DOP1B: variants seen among roughly 807,000 people sequenced by gnomAD.
DOP1B encodes the protein protein DOP1B.
DOP1B carries 174 observed loss-of-function variants against 233.5 expected under a neutral mutation model. That is an observed-to-expected ratio of 0.75 (90% confidence interval 0.66 to 0.85). The LOEUF is 0.85. Among genes scored for constraint, DOP1B ranks in the 40% least tolerant of loss-of-function variants. The pLI, the probability that DOP1B is intolerant of heterozygous loss-of-function variation, is 0.00. For synonymous variants in DOP1B, 1,190 were observed against 1,185.6 expected, an observed-to-expected ratio of 1.00 and a Z score of -0.08; for missense variants, 2,652 against 2,846.6, an observed-to-expected ratio of 0.93 and a Z score of 1.56.
intron 5 of DOP1B, among the ~76,000 whole-genome samples, chr21:36,210,431 G>T (rs138301831): frequency 0.027 from 4,057 of 152,198 alleles, 142 homozygotes; most frequent in African/African-American, 0.086. Flanking sequence ...GATTACCTGA[G>T]GCCAGGAGTT....
intron 24 of DOP1B, among the ~76,000 whole-genome samples, chr21:36,263,158 T>C (rs1026840084): frequency 1.5e-5 from 2 of 136,674 alleles, no homozygotes; most frequent in African/African-American, 5.6e-5. Flanking sequence ...CGCTTGAACC[T>C]GGGAGGCGAA....
At position 36,280,293 on chromosome 21, in the gene DOP1B, C is replaced by T. The variant is rs767141074; in HGVS notation, c.5978C>T (p.Ser1993Phe). 6.2e-7 allele frequency: 1 copy of T among 1,605,926 alleles called. No individual in the cohort carries two copies. The highest frequency in any genetic ancestry group is 1.7e-5 in the Admixed American group (1 of 59,076). ...CTTTCTTTAATATCCAGTTGGAAGT[C>T]CATTATTGACCATCTTTTGACTCAT... The part of the protein sequence containing the change: ...QMDTSCVHWK[S>F]IIDHLLTHEK... The change falls in exon 31 of 37, where the codon TCC (serine) becomes TTC (phenylalanine). Residue 1993 changes from serine to phenylalanine, a missense_variant. Ser to Phe is a radical substitution (Grantham distance 155, BLOSUM62 -2). This residue lies in a region of DOP1B where 2,617 missense variants were observed against 2,794.3 expected (regional missense o/e 0.94). Coordinates refer to ENST00000691173, the MANE Select transcript of DOP1B (RefSeq NM_001320714.2).
chr21:36,169,918 CCCA>C, intron 2 of DOP1B: 1 of 772,396 alleles, frequency 1.3e-6, no homozygotes, highest in Non-Finnish European at 2.4e-6. Context: ...GCCCGCAATG[CCCA>C]CAACCACCAT....
intron 4 of DOP1B, among the ~76,000 whole-genome samples, chr21:36,205,838 C>T (rs1181056112): frequency 6.6e-6 from 1 of 151,578 alleles, no homozygotes; most frequent in African/African-American, 2.4e-5. Flanking sequence ...AACCCCGTAT[C>T]TACCAAAAAA....
At chr21:36,208,283 A>G (rs1193932415) in intron 4 of DOP1B, among the ~76,000 whole-genome samples, 2 of 152,176 alleles carry the variant, frequency 1.3e-5, no homozygotes, top group East Asian at 1.9e-4. Context: ...TAAGTCTTTG[A>G]TCAGTCTCCT....
intron 2 of DOP1B, among the ~76,000 whole-genome samples, chr21:36,186,236 C>A (rs1371139129): frequency 6.6e-6 from 1 of 151,922 alleles, no homozygotes; most frequent in African/African-American, 2.4e-5. Context: ...TCTGATCTAG[C>A]ATGTGGATTC....
chr21:36,217,976 G>T (rs981531836), intron 9 of DOP1B, among the ~76,000 whole-genome samples: 1 of 152,192 alleles, frequency 6.6e-6, no homozygotes, highest in African/African-American at 2.4e-5. Flanking sequence ...GGAAGCAAAT[G>T]AATATCACGC....
At chr21:36,213,666 G>A (rs2066525769) in intron 7 of DOP1B, among the ~76,000 whole-genome samples, 1 of 151,616 alleles carries the variant, frequency 6.6e-6, no homozygotes, top group Non-Finnish European at 1.5e-5. Flanking sequence ...AACCTCCCAA[G>A]TAGCTGGGAT....
chr21:36,275,610 A>C (rs62232381), intron 27 of DOP1B, among the ~76,000 whole-genome samples: 61,396 of 148,904 alleles, frequency 0.41, 12,778 homozygotes, highest in Middle Eastern at 0.51. Context: ...CAAAGCGAGA[A>C]CTTGTCTCAA....
chr21:36,230,374 C>A (rs1008902437), intron 13 of DOP1B, 76 bp from the exon 14 acceptor site: 4 of 1,443,638 alleles, frequency 2.8e-6, no homozygotes, highest in Admixed American at 4.3e-5. Flanking sequence ...AATTGAAATA[C>A]ATTCATGATT....
intron 4 of DOP1B, among the ~76,000 whole-genome samples, chr21:36,204,696 C>G (rs2066408391): frequency 6.9e-6 from 1 of 144,650 alleles, no homozygotes; most frequent in Admixed American, 7.1e-5. Flanking sequence ...GCTCTGTCGC[C>G]CAGGCTGGAG....
intron 2 of DOP1B, among the ~76,000 whole-genome samples, chr21:36,165,875 C>A (rs1293219106): frequency 2.6e-5 from 4 of 151,734 alleles, no homozygotes; most frequent in Non-Finnish European, 5.9e-5. Flanking sequence ...TGCCACCACA[C>A]CTGGCTAATT....
intron 2 of DOP1B, among the ~76,000 whole-genome samples, chr21:36,190,051 C>T (rs1449796757): frequency 6.6e-6 from 1 of 150,702 alleles, no homozygotes; most frequent in Non-Finnish European, 1.5e-5. Context: ...GGCACAGTGG[C>T]TTACACCTGT....
intron 1 of DOP1B, among the ~76,000 whole-genome samples, chr21:36,163,344 C>CAAAAAAAAAAAAAAAA (rs762277927): frequency 1.9e-5 from 2 of 107,760 alleles, no homozygotes; most frequent in Admixed American, 2.1e-4. Flanking sequence ...GACTCTGTCT[C>CAAAAAAAAAAAAAAAA]AAAAAAAAAA....
At chr21:36,240,256 G>T (rs2066877865) in intron 18 of DOP1B, among the ~76,000 whole-genome samples, 1 of 152,032 alleles carries the variant, frequency 6.6e-6, no homozygotes, top group South Asian at 2.1e-4. Context: ...GAGGCAGGTG[G>T]ATCACCTGAG....
rs1015310652 is a variant in DOP1B at position 36,214,006 on chromosome 21, C to T, written c.905-75C>T. 5.1e-6 allele frequency: 6 copies of T among 1,180,264 alleles called. No individual in the cohort carries two copies. In the African/African-American group the frequency reaches 6.2e-5, roughly 12 times the overall value. The allele number at this position is 1,180,264 out of a possible 1,614,324, so 73.1% of individuals were successfully genotyped here. ...AATGATATTTTTAAAAATATTGGAG[C>T]ATGAGACTTTTGCACAATATGATGT... On this transcript the variant is annotated intron_variant, in intron 7 of 36. Coordinates refer to ENST00000691173, the MANE Select transcript of DOP1B (RefSeq NM_001320714.2).
chr21:36,214,266 C>T, intron 8 of DOP1B, 76 bp downstream of exon 8: 3 of 1,373,742 alleles, frequency 2.2e-6, no homozygotes, highest in Middle Eastern at 1.8e-4. Flanking sequence ...GAGGCTTCCA[C>T]ATAGGCAGTG....
At chr21:36,291,042 T>C (rs1450998470) in intron 35 of DOP1B, among the ~76,000 whole-genome samples, 1 of 150,234 alleles carries the variant, frequency 6.7e-6, no homozygotes, top group South Asian at 2.1e-4. Flanking sequence ...GGCAGGCGGA[T>C]CATGAGGTCA....
intron 2 of DOP1B, chr21:36,168,919 A>T (rs1488640091): frequency 1.4e-5 from 7 of 509,138 alleles, no homozygotes; most frequent in South Asian, 6.4e-5. Context: ...TAATAATTTT[A>T]AAAAATAACT....
Sources: allele counts gnomAD v4.1 joint callset (sites outside exome capture counted in the v4.1 genomes callset), GRCh38; gene constraint gnomAD v4.1.1; regional missense constraint gnomAD v4.1.1; transcripts MANE v1.5; gene names NCBI Gene and HGNC (gene_info 2026-07-23, HGNC 2026-07-21).